ATP10B: variants seen among roughly 807,000 people sequenced by gnomAD.
ATP10B encodes the protein phospholipid-transporting ATPase VB.
In ATP10B, 122 loss-of-function variants were observed where a neutral mutation model predicts 141.2. That is an observed-to-expected ratio of 0.86 (90% CI 0.75 to 1.00). The LOEUF (loss-of-function observed/expected upper bound fraction) is 1.00, where lower values mean the gene tolerates loss of function less well. Among genes scored for constraint, ATP10B ranks in the 50% least tolerant of loss-of-function variants. The pLI is 0.00. For missense variants in ATP10B, 1,876 were observed against 1,825.3 expected (o/e 1.03, Z -0.51); for synonymous variants, 685 against 692.0 (o/e 0.99, Z 0.16).
the ATP10B span, among the ~76,000 whole-genome samples, chr5:160,877,123 C>CA: frequency 1.3e-5 from 2 of 152,036 alleles, no homozygotes; most frequent in Admixed American, 1.3e-4. Context: ...AACATTGATG[C>CA]AAAAATCCTC....
At chr5:160,807,839 C>G (rs896642798) in intron 1 of ATP10B, among the ~76,000 whole-genome samples, 1 of 152,278 alleles carries the variant, frequency 6.6e-6, no homozygotes, top group African/African-American at 2.4e-5. Flanking sequence ...TTCTAAGTTT[C>G]TAGAACTGAC....
chr5:160,579,816 T>TTGTTTG (rs1755430525), intron 24 of ATP10B, among the ~76,000 whole-genome samples: 1 of 152,236 alleles, frequency 6.6e-6, no homozygotes, highest in South Asian at 2.1e-4. Context: ...GTTTTTGCAT[T>TTGTTTG]TGTTTGTGTC....
intron 18 of ATP10B, 31 bp from the exon 19 acceptor site, chr5:160,607,117 T>C: frequency 6.4e-7 from 1 of 1,564,268 alleles, no homozygotes. Context: ...ACAGTATTTG[T>C]AAGCAACCTT....
At chr5:160,768,679 G>A (rs1341279580) in intron 2 of ATP10B, among the ~76,000 whole-genome samples, 4 of 152,200 alleles carry the variant, frequency 2.6e-5, no homozygotes, top group African/African-American at 7.2e-5. Context: ...TAACAGCATC[G>A]TAGTTTTATA....
chr5:160,830,557 A>G (rs140370332), intron 1 of ATP10B, among the ~76,000 whole-genome samples: 10 of 152,034 alleles, frequency 6.6e-5, no homozygotes, highest in African/African-American at 2.4e-4. Context: ...TTTGAGCCTT[A>G]CTTTTTACTT....
intron 1 of ATP10B, among the ~76,000 whole-genome samples, chr5:160,835,723 G>T (rs1387976993): frequency 1.3e-5 from 2 of 152,122 alleles, no homozygotes; most frequent in African/African-American, 4.8e-5. Context: ...TGTCTAGGAG[G>T]CAAGTTAGGC....
the ATP10B span, among the ~76,000 whole-genome samples, chr5:160,860,050 A>G: frequency 2.6e-5 from 4 of 151,962 alleles, no homozygotes; most frequent in Non-Finnish European, 1.5e-5. Context: ...AAAACAACGT[A>G]CAAAGCCATT....
intron 2 of ATP10B, among the ~76,000 whole-genome samples, chr5:160,746,639 G>T (rs138603615): frequency 1.3e-5 from 2 of 151,978 alleles, no homozygotes; most frequent in Non-Finnish European, 2.9e-5. Context: ...TGATCCACCC[G>T]CCTCAGCCTC....
At chr5:160,862,538 C>A in the ATP10B span, among the ~76,000 whole-genome samples, 1 of 151,936 alleles carries the variant, frequency 6.6e-6, no homozygotes, top group African/African-American at 2.4e-5. Context: ...GGTCCTCAGC[C>A]CTTACTTTGA....
At chr5:160,915,976 T>C in the ATP10B span, among the ~76,000 whole-genome samples, 1 of 152,238 alleles carries the variant, frequency 6.6e-6, no homozygotes, top group African/African-American at 2.4e-5. Context: ...GCCCGCCATC[T>C]GTGTAGAGGG....
At chr5:160,620,299 A>C in intron 15 of ATP10B, 48 bp downstream of exon 15, 3 of 1,541,410 alleles carry the variant, frequency 1.9e-6, no homozygotes, top group Non-Finnish European at 2.6e-6. Context: ...ACTGCTTCTT[A>C]AACTATAGAA....
chr5:160,653,985 AAT>A (rs1761271162), intron 7 of ATP10B, among the ~76,000 whole-genome samples: 1 of 132,478 alleles, frequency 7.5e-6, no homozygotes. Context: ...TACATATATA[AAT>A]ATATGTTGTA....
the ATP10B span, among the ~76,000 whole-genome samples, chr5:160,863,376 A>C: frequency 2.6e-5 from 4 of 151,972 alleles, no homozygotes; most frequent in Non-Finnish European, 5.9e-5. Context: ...AGACAATAAA[A>C]TGAAAACTGA....
the ATP10B span, among the ~76,000 whole-genome samples, chr5:160,890,306 TG>T: frequency 1.3e-5 from 2 of 152,238 alleles, no homozygotes; most frequent in Non-Finnish European, 2.9e-5. Context: ...TAAAGTCACA[TG>T]ACTTAAAATT....
At chr5:160,923,135 C>T in the ATP10B span, among the ~76,000 whole-genome samples, 12 of 152,150 alleles carry the variant, frequency 7.9e-5, no homozygotes, top group Non-Finnish European at 1.8e-4. Flanking sequence ...CTGTGCTTGC[C>T]ATCGATCGGA....
chr5:160,825,144 G>C (rs1422398896), intron 1 of ATP10B, among the ~76,000 whole-genome samples: 3 of 152,186 alleles, frequency 2.0e-5, no homozygotes, highest in African/African-American at 7.2e-5. Context: ...TTTGAGGTCA[G>C]AGACTGTCCT....
At chr5:160,661,267 C>T (rs1761890197) in intron 7 of ATP10B, among the ~76,000 whole-genome samples, 1 of 151,472 alleles carries the variant, frequency 6.6e-6, no homozygotes, top group Non-Finnish European at 1.5e-5. Flanking sequence ...TATTAAGCAA[C>T]AAAAACTATG....
chr5:160,604,723 A>AAC (rs922118455), intron 19 of ATP10B, among the ~76,000 whole-genome samples: 8 of 151,648 alleles, frequency 5.3e-5, no homozygotes, highest in East Asian at 3.9e-4. Context: ...CACACACATA[A>AAC]ACACACACAC....
chr5:160,767,290 G>C (rs377455668), intron 2 of ATP10B, among the ~76,000 whole-genome samples: 1 of 152,056 alleles, frequency 6.6e-6, no homozygotes, highest in African/African-American at 2.4e-5. Flanking sequence ...AGGAAGTCAC[G>C]CTTTGGGCAA....
Sources: allele counts gnomAD v4.1 joint callset (sites outside exome capture counted in the v4.1 genomes callset), GRCh38; gene constraint gnomAD v4.1.1; transcripts MANE v1.5; gene names NCBI Gene and HGNC (gene_info 2026-07-23, HGNC 2026-07-21).